The following FOXP2 variants were observed in gnomAD, a reference collection of about 807,000 sequenced individuals.
The protein encoded by FOXP2 is forkhead box P2, also known as forkhead box protein P2.
A neutral mutation model predicts 115.8 loss-of-function variants in FOXP2; 12 were observed. The observed-to-expected ratio is 0.10, with a 90% CI of 0.07 to 0.17. FOXP2 has a LOEUF of 0.17. Among genes scored for constraint, FOXP2 ranks in the 10% least tolerant of loss-of-function variants. FOXP2 has a pLI of 1.00. For synonymous variants in FOXP2, 328 were observed against 297.7 expected (o/e 1.10, Z -1.05); for missense variants, 629 against 843.5 (o/e 0.75, Z 3.15).
At chr7:114,526,828 TA>T (rs1228764285) in intron 2 of FOXP2, among the ~76,000 whole-genome samples, 15 of 152,180 alleles carry the variant, frequency 9.9e-5, no homozygotes, top group Admixed American at 9.8e-4. Flanking sequence ...CCTACCCTTT[TA>T]ATGTATACAA....
intron 7 of FOXP2, among the ~76,000 whole-genome samples, 189 bp downstream of exon 7, chr7:114,642,812 A>ATATATATATATATATT (rs1308357594): frequency 5.5e-5 from 4 of 72,420 alleles, no homozygotes; most frequent in Admixed American, 2.0e-4. Flanking sequence ...ATATATATAT[A>ATATATATATATATATT]TTTTTTTTTT....
intron 2 of FOXP2, among the ~76,000 whole-genome samples, chr7:114,486,490 C>A (rs761127426): frequency 1.3e-5 from 2 of 152,096 alleles, no homozygotes; most frequent in Non-Finnish European, 2.9e-5. Flanking sequence ...CCTCCCAAAT[C>A]TCATGTCCTC....
In FOXP2 at chr7:114,180,595, GC is replaced by G. The variant is rs1241447814; in HGVS notation, c.-102+17511del. Among the ~76,000 whole-genome samples the G allele has an allele frequency of 5.9e-5, 9 of 151,966 alleles. No individual in the cohort carries two copies. In the East Asian group the frequency reaches 1.7e-3, roughly 29 times the overall value. On this transcript the variant is annotated intron_variant, in intron 1 of 17. Transcript: ENST00000634411. ...ATAATTAAGTATATTGTCAGCTCCT[GC>G]CCCACATATCAAACTATGCTTCTCT...
At chr7:114,291,788 C>T (rs2129176585) in intron 2 of FOXP2, among the ~76,000 whole-genome samples, 1 of 148,204 alleles carries the variant, frequency 6.7e-6, no homozygotes. Flanking sequence ...ACTTTAAAGC[C>T]AGCAGGAGAG....
At chr7:114,240,635 C>A (rs1795128092) in intron 1 of FOXP2, among the ~76,000 whole-genome samples, 2 of 151,934 alleles carry the variant, frequency 1.3e-5, no homozygotes, top group South Asian at 2.1e-4. Flanking sequence ...AAGAAAATTA[C>A]TTAATGGTAG....
intron 1 of FOXP2, among the ~76,000 whole-genome samples, chr7:114,105,104 A>G (rs370012133): frequency 1.3e-5 from 2 of 152,168 alleles, no homozygotes; most frequent in East Asian, 3.9e-4. Flanking sequence ...AGAAGGGAAG[A>G]CAGGGATTGA....
chr7:114,128,576 C>G (rs547256554), intron 1 of FOXP2, among the ~76,000 whole-genome samples: 1 of 151,634 alleles, frequency 6.6e-6, no homozygotes, highest in South Asian at 2.1e-4. Context: ...TATTTTTTCC[C>G]TCAAATAACT....
intron 2 of FOXP2, among the ~76,000 whole-genome samples, chr7:114,482,383 C>G (rs1041260808): frequency 1.8e-4 from 27 of 151,420 alleles, no homozygotes; most frequent in Admixed American, 1.3e-4. Flanking sequence ...GCAGTTTGCT[C>G]AATTGTTATG....
At chr7:114,207,448 T>C (rs1343836005) in intron 1 of FOXP2, among the ~76,000 whole-genome samples, 1 of 152,226 alleles carries the variant, frequency 6.6e-6, no homozygotes, top group Non-Finnish European at 1.5e-5. Context: ...GAAGTGATAT[T>C]TCATTATGCT....
chr7:114,516,772 T>C (rs1798366039), intron 2 of FOXP2, among the ~76,000 whole-genome samples: 1 of 152,088 alleles, frequency 6.6e-6, no homozygotes, highest in Admixed American at 6.6e-5. Context: ...CTCTGCTCAC[T>C]GCAACCTCTG....
At chr7:114,148,963 G>A (rs1792457642) in intron 1 of FOXP2, among the ~76,000 whole-genome samples, 1 of 152,020 alleles carries the variant, frequency 6.6e-6, no homozygotes. Flanking sequence ...TTGACATCAA[G>A]TGTTCTCCGT....
At chr7:114,354,922 A>G (rs576224837) in intron 2 of FOXP2, among the ~76,000 whole-genome samples, 5 of 152,308 alleles carry the variant, frequency 3.3e-5, no homozygotes, top group African/African-American at 1.2e-4. Flanking sequence ...TTATTTTCAT[A>G]TTTGTAAATA....
chr7:114,377,681 G>A (rs1428836686), intron 2 of FOXP2, among the ~76,000 whole-genome samples: 1 of 152,104 alleles, frequency 6.6e-6, no homozygotes, highest in Non-Finnish European at 1.5e-5. Flanking sequence ...TAGGATCTTA[G>A]GTATGATAAT....
At chr7:114,207,935 C>T (rs1001614673) in intron 1 of FOXP2, among the ~76,000 whole-genome samples, 3 of 152,182 alleles carry the variant, frequency 2.0e-5, no homozygotes, top group African/African-American at 4.8e-5. Context: ...CCAAGGCAGG[C>T]GGGCTGCTTG....
intron 1 of FOXP2, among the ~76,000 whole-genome samples, chr7:114,137,328 G>A (rs1366474939): frequency 6.6e-6 from 1 of 152,090 alleles, no homozygotes; most frequent in African/African-American, 2.4e-5. Flanking sequence ...CAAATTTAGA[G>A]GAAGTTAGTT....
intron 16 of FOXP2, among the ~76,000 whole-genome samples, chr7:114,679,163 C>G (rs1480192182): frequency 6.6e-6 from 1 of 152,124 alleles, no homozygotes; most frequent in African/African-American, 2.4e-5. Flanking sequence ...TGGGGTTTCA[C>G]CATGTTAGCC....
chr7:114,428,329 A>C (rs982787518), intron 2 of FOXP2, among the ~76,000 whole-genome samples: 48 of 151,684 alleles, frequency 3.2e-4, no homozygotes, highest in African/African-American at 1.1e-3. Flanking sequence ...AATCATAGCT[A>C]TAGATTTTAG....
At chr7:114,682,834 T>C (rs1285628705) in intron 16 of FOXP2, among the ~76,000 whole-genome samples, 1 of 152,088 alleles carries the variant, frequency 6.6e-6, no homozygotes, top group Admixed American at 6.6e-5. Context: ...CTAATATAAA[T>C]AGAGATAATT....
At chr7:114,657,410 G>A (rs1480554997) in intron 10 of FOXP2, among the ~76,000 whole-genome samples, 2 of 152,102 alleles carry the variant, frequency 1.3e-5, no homozygotes, top group East Asian at 3.8e-4. Flanking sequence ...GTTAACACAT[G>A]CCACAAATGA....
Sources: allele counts gnomAD v4.1 joint callset (sites outside exome capture counted in the v4.1 genomes callset), GRCh38; gene constraint gnomAD v4.1.1; transcripts MANE v1.5; gene names NCBI Gene and HGNC (gene_info 2026-07-23, HGNC 2026-07-21).